Variants in FAP observed in about 807,000 individuals in gnomAD.
FAP encodes the protein fibroblast activation protein alpha.
FAP carries 110 observed loss-of-function variants against 126.5 expected under a neutral mutation model. The ratio of observed to expected loss-of-function variants is 0.87; its 90% confidence interval spans 0.74 to 1.02. FAP has a LOEUF of 1.02. Among genes scored for constraint, FAP ranks in the 50% least tolerant of loss-of-function variants. FAP has a pLI of 0.00. For missense variants in FAP, 919 were observed against 909.2 expected, an observed-to-expected ratio of 1.01 and a Z score of -0.14; for synonymous variants, 334 against 297.3, an observed-to-expected ratio of 1.12 and a Z score of -1.27.
rs1249796784 is a variant in FAP, at chr2:162,214,061, G to T, written c.879C>A (p.Phe293Leu). The stretch of plus-strand genomic sequence containing the variant: ...CATCAGTAACCCACGTGAGCCAACT[G>T]AAATAATAATCACTGCAAATAAAAT... The part of the protein sequence containing the change: ...PAMIASSDYY[F>L]SWLTWVTDER... Residue 293 changes from phenylalanine to leucine, a missense_variant, in exon 11 of 26, where the codon TTC becomes TTA. By Grantham distance (22) the Phe-to-Leu change is conservative. Transcript: ENST00000188790. The T allele has an allele frequency of 1.2e-6, 2 of 1,613,702 alleles. No homozygotes were observed. The highest frequency in any genetic ancestry group is 1.7e-6 in the Non-Finnish European group (2 of 1,179,908).
chr2:162,184,209 T>C lies in FAP; in HGVS notation c.1815-741A>G, dbSNP rs372799243. ...AATTGTGATTTATCTGGGGATTGGT[T>C]TGATAAAAACTCAAGAAAATCTCAG... On this transcript the variant is annotated intron_variant, in intron 20 of 25. Transcript: ENST00000188790. 5.3e-5 allele frequency among the ~76,000 whole-genome samples: 8 copies of C among 152,170 alleles called. No individual in the cohort carries two copies. In the East Asian group the frequency reaches 9.7e-4, roughly 18 times the overall value.
At chr2:162,180,591 CTT>C (rs1344327204) in intron 21 of FAP, among the ~76,000 whole-genome samples, 1 of 152,118 alleles carries the variant, frequency 6.6e-6, no homozygotes, top group Non-Finnish European at 1.5e-5. Context: ...TGAGAACAGA[CTT>C]TGATGTTTAA....
intron 14 of FAP, among the ~76,000 whole-genome samples, chr2:162,201,260 G>A (rs1376611444): frequency 6.6e-6 from 1 of 152,162 alleles, no homozygotes; most frequent in East Asian, 1.9e-4. Context: ...CCACGAATGT[G>A]AAAAGTTTGG....
intron 12 of FAP, among the ~76,000 whole-genome samples, chr2:162,204,256 C>G (rs1463193100): frequency 6.6e-6 from 1 of 152,110 alleles, no homozygotes; most frequent in Non-Finnish European, 1.5e-5. Flanking sequence ...ATATTTGATG[C>G]CTTTTTGATG....
At chr2:162,198,053 G>T in intron 16 of FAP, 3 of 708,212 alleles carry the variant, frequency 4.2e-6, no homozygotes, top group South Asian at 3.7e-5. Flanking sequence ...ATAGATAAAA[G>T]GTTGCACATA....
chr2:162,218,562 T>TAGAC (rs1363321828), intron 8 of FAP, among the ~76,000 whole-genome samples: 1 of 54,618 alleles, frequency 1.8e-5, no homozygotes. Flanking sequence ...ACAGTTAGTT[T>TAGAC]AGATAGATAG....
At chr2:162,197,553 T>G (rs1036904818) in intron 16 of FAP, 2 of 456,528 alleles carry the variant, frequency 4.4e-6, no homozygotes, top group Non-Finnish European at 8.8e-6. Context: ...TTTATGAAAG[T>G]GTTATTTCAA....
intron 12 of FAP, among the ~76,000 whole-genome samples, chr2:162,208,912 G>GT (rs1688815561): frequency 6.6e-6 from 1 of 150,432 alleles, no homozygotes; most frequent in South Asian, 2.1e-4. Flanking sequence ...AATAAATAAA[G>GT]TAACTATTCC....
chr2:162,225,723 A>C, intron 3 of FAP, 146 bp from the exon 4 acceptor site: 2 of 767,700 alleles, frequency 2.6e-6, no homozygotes, highest in Non-Finnish European at 3.7e-6. Context: ...TAAAATAGTA[A>C]GTTGGTGGTA....
Position 162,173,714 on chromosome 2 carries a change from A to C in FAP, c.2034+9T>G. On this transcript the variant is annotated intron_variant, in intron 23 of 25. Transcript: ENST00000188790. ...TAATTATTAACCTAAATAAAATGGA[A>C]ACACTTACCTTATAGTGCTCAAGAT... 1.3e-6 allele frequency: 2 copies of C among 1,565,374 alleles called. No homozygotes were observed. The highest frequency in any genetic ancestry group is 1.8e-6 in the Non-Finnish European group (2 of 1,136,878).
chr2:162,218,964 T>C (rs1689273420), intron 8 of FAP, 99 bp downstream of exon 8: 2 of 965,478 alleles, frequency 2.1e-6, no homozygotes, highest in South Asian at 2.2e-5. Context: ...CTACCCTTCA[T>C]GGAAATAAGA....
At chr2:162,198,149 A>G in intron 16 of FAP, 2 of 1,271,098 alleles carry the variant, frequency 1.6e-6, no homozygotes, top group Non-Finnish European at 2.0e-6. Context: ...TTTATTACTT[A>G]TGGTTTGTTA....
At chr2:162,222,973 G>A (rs762161268) in intron 6 of FAP, among the ~76,000 whole-genome samples, 3 of 151,792 alleles carry the variant, frequency 2.0e-5, no homozygotes, top group East Asian at 1.9e-4. Context: ...TCAATGCTTC[G>A]CCTATCTGCA....
intron 2 of FAP, among the ~76,000 whole-genome samples, chr2:162,228,118 G>A (rs919209558): frequency 6.6e-6 from 1 of 152,124 alleles, no homozygotes; most frequent in Non-Finnish European, 1.5e-5. Flanking sequence ...GCACATACAG[G>A]CATCTAATAA....
At chr2:162,201,493 C>T (rs543006936) in intron 14 of FAP, among the ~76,000 whole-genome samples, 43 of 152,276 alleles carry the variant, frequency 2.8e-4, no homozygotes, top group African/African-American at 1.0e-3. Flanking sequence ...CCCACATCAT[C>T]TAAAACTATC....
intron 15 of FAP, 42 bp from the exon 16 acceptor site, chr2:162,198,923 T>C (rs938602371): frequency 3.2e-6 from 5 of 1,580,004 alleles, no homozygotes; most frequent in Admixed American, 1.7e-5. Flanking sequence ...AATTTTGAGA[T>C]TGTATTTATC....
Position 162,225,473 on chromosome 2 carries a change from G to A in FAP, c.285+10C>T. 6.3e-7 allele frequency: 1 copy of A among 1,593,818 alleles called. No individual in the cohort carries two copies. Among genetic ancestry groups the A allele is most frequent in the East Asian group, 2.3e-5 (1 of 44,256 alleles). The stretch of plus-strand genomic sequence containing the variant: ...GGTTTCTGAGGGGGAAGATGATGTT[G>A]GATACATACCATGGTTCTATTACTC... On this transcript the variant is annotated intron_variant, in intron 4 of 25. Coordinates refer to ENST00000188790, the MANE Select transcript of FAP (RefSeq NM_004460.5).
At chr2:162,223,191 T>G (rs1413918409) in intron 6 of FAP, among the ~76,000 whole-genome samples, 1 of 152,196 alleles carries the variant, frequency 6.6e-6, no homozygotes, top group Non-Finnish European at 1.5e-5. Flanking sequence ...AAACAGTTAA[T>G]GGAGTACGTG....
At chr2:162,185,740 A>G (rs1157461872) in intron 20 of FAP, among the ~76,000 whole-genome samples, 1 of 152,116 alleles carries the variant, frequency 6.6e-6, no homozygotes, top group Non-Finnish European at 1.5e-5. Flanking sequence ...TAAAAGATTC[A>G]GGGGAGAAAT....
Sources: gnomAD v4.1 joint callset for allele counts (sites outside exome capture counted in the v4.1 genomes callset) on GRCh38, gnomAD v4.1.1 for gene constraint, MANE v1.5 for transcripts, NCBI Gene and HGNC (gene_info 2026-07-23, HGNC 2026-07-21) for gene names.